Variants in MELK observed in about 807,000 individuals in gnomAD.
The protein encoded by MELK is pEg3 kinase.
MELK carries 81 observed loss-of-function variants against 85.0 expected under a neutral mutation model. The observed-to-expected ratio is 0.95, with a 90% CI of 0.80 to 1.15. The LOEUF (loss-of-function observed/expected upper bound fraction) is 1.15. Ranked by LOEUF, MELK falls within the 50% of genes most tolerant of loss-of-function variation. The probability of loss-of-function intolerance (pLI) is 0.00; values close to 1 mark genes in which losing one functional copy is unlikely to be tolerated. For missense variants in MELK, 754 were observed against 777.5 expected (o/e 0.97, Z 0.36); for synonymous variants, 252 against 265.0 (o/e 0.95, Z 0.48).
intron 14 of MELK, among the ~76,000 whole-genome samples, chr9:36,666,919 GT>G (rs1186103146): frequency 2.6e-5 from 4 of 151,120 alleles, no homozygotes; most frequent in African/African-American, 9.8e-5. Flanking sequence ...TGGTGTGTGT[GT>G]GGGGGGGTGC....
intron 3 of MELK, among the ~76,000 whole-genome samples, chr9:36,588,734 T>A (rs1271377749): frequency 6.6e-6 from 1 of 152,106 alleles, no homozygotes; most frequent in Non-Finnish European, 1.5e-5. Context: ...ATCTCTAGGC[T>A]TCTGTCCTTT....
At chr9:36,647,593 A>G (rs990507073) in intron 11 of MELK, among the ~76,000 whole-genome samples, 3 of 151,738 alleles carry the variant, frequency 2.0e-5, no homozygotes, top group Non-Finnish European at 4.4e-5. Flanking sequence ...AGTTCAAGCA[A>G]TTCTCCTGCC....
intron 16 of MELK, among the ~76,000 whole-genome samples, chr9:36,671,623 G>A (rs1308313181): frequency 1.3e-5 from 2 of 152,192 alleles, no homozygotes; most frequent in Non-Finnish European, 2.9e-5. Flanking sequence ...AAGGTAGGCC[G>A]GAAGGGCCTC....
At chr9:36,609,616 T>C (rs1825897547) in intron 8 of MELK, among the ~76,000 whole-genome samples, 1 of 152,106 alleles carries the variant, frequency 6.6e-6, no homozygotes, top group South Asian at 2.1e-4. Flanking sequence ...ATCCGGCTAA[T>C]TAAAAAAATT....
At position 36,630,332 on chromosome 9, in the gene MELK, C is replaced by G; in HGVS notation, c.700C>G (p.Pro234Ala). The change falls in exon 9 of 18, where the codon CCC becomes GCC. Residue 234 changes from proline (P) to alanine (A), a missense_variant. By Grantham distance (27) the Pro-to-Ala change is conservative. Coordinates refer to ENST00000298048, the MANE Select transcript of MELK (RefSeq NM_014791.4). ...GKYDVPKWLSPSSILLLQQML... is the reference protein window; with the variant it reads ...GKYDVPKWLSASSILLLQQML... ...ATATGATGTTCCCAAGTGGCTCTCTCCCAGTAGCATTCTGCTTCTTCAACA... is the reference window on the plus strand; with the variant it reads ...ATATGATGTTCCCAAGTGGCTCTCTGCCAGTAGCATTCTGCTTCTTCAACA... 1 of 1,612,034 alleles carries G rather than the reference C, an allele frequency of 6.2e-7. No homozygotes were observed. Among genetic ancestry groups the G allele is most frequent in the South Asian group, 1.1e-5 (1 of 90,984 alleles).
chr9:36,666,915 G>A (rs1162655999), intron 14 of MELK, among the ~76,000 whole-genome samples: 1 of 151,130 alleles, frequency 6.6e-6, no homozygotes, highest in Non-Finnish European at 1.5e-5. Context: ...GTGATGGTGT[G>A]TGTGTGGGGG....
rs12347337 is a variant in MELK, at chr9:36,622,425, G to A, written c.667-7874G>A. Among the ~76,000 whole-genome samples, 1,282 of 152,252 alleles carry A rather than the reference G, an allele frequency of 8.4e-3. 22 individuals are homozygous for A. The highest frequency in any genetic ancestry group is 0.029 in the African/African-American group (1,216 of 41,536). Reference sequence around the variant, plus strand: ...AAAACCCAGCAATATTTGACGCACCGTATGTAACTCTTGTTTAAAAGGCAG... The same window carrying A: ...AAAACCCAGCAATATTTGACGCACCATATGTAACTCTTGTTTAAAAGGCAG... On this transcript the variant is annotated intron_variant, in intron 8 of 17. Transcript: ENST00000298048.
chr9:36,593,279 G>A (rs182922568), intron 4 of MELK, among the ~76,000 whole-genome samples: 2 of 149,664 alleles, frequency 1.3e-5, no homozygotes, highest in Admixed American at 1.3e-4. Flanking sequence ...CCACAAATTC[G>A]TATGTTGAAA....
At chr9:36,642,324 TTAGATGCC>T (rs1829828373) in intron 10 of MELK, among the ~76,000 whole-genome samples, 1 of 152,134 alleles carries the variant, frequency 6.6e-6, no homozygotes, top group African/African-American at 2.4e-5. Flanking sequence ...GCCACTGATT[TTAGATGCC>T]TAGGTGGCTG....
At chr9:36,606,200 T>A (rs1356710286) in intron 7 of MELK, among the ~76,000 whole-genome samples, 3 of 151,262 alleles carry the variant, frequency 2.0e-5, no homozygotes, top group African/African-American at 7.3e-5. Context: ...TCTATGTATA[T>A]ATACATATAT....
chr9:36,602,297 C>T lies in MELK; in HGVS notation c.567+2811C>T, dbSNP rs139860879. 9.7e-3 allele frequency among the ~76,000 whole-genome samples: 1,469 copies of T among 151,806 alleles called. 19 individuals are homozygous for T. The highest frequency in any genetic ancestry group is 0.03 in the African/African-American group (1,245 of 41,386). On this transcript the variant is annotated intron_variant, in intron 7 of 17. Transcript: ENST00000298048. ...CATGAGGTTAGGAGTTTGAGACCAG[C>T]CTGGCCAACATGATGAATCCCTGTC...
chr9:36,642,967 G>A (rs1049215104), intron 10 of MELK, 30 bp from the exon 11 acceptor site: 1 of 1,516,968 alleles, frequency 6.6e-7, no homozygotes, highest in Non-Finnish European at 9.0e-7. Flanking sequence ...GTAATTTTTT[G>A]TTAATAAAGT....
chr9:36,578,114 C>T (rs184812491), intron 1 of MELK, among the ~76,000 whole-genome samples: 1 of 152,208 alleles, frequency 6.6e-6, no homozygotes, highest in Non-Finnish European at 1.5e-5. Flanking sequence ...TTTGCCACTC[C>T]TAGCTGTAGG....
At chr9:36,620,311 AG>A (rs1827269688) in intron 8 of MELK, among the ~76,000 whole-genome samples, 1 of 152,150 alleles carries the variant, frequency 6.6e-6, no homozygotes, top group South Asian at 2.1e-4. Context: ...TGATTTACTA[AG>A]GCTACAAGTT....
chr9:36,620,548 CTTTT>C (rs747925440), intron 8 of MELK, among the ~76,000 whole-genome samples: 4 of 128,494 alleles, frequency 3.1e-5, no homozygotes, highest in African/African-American at 9.3e-5. Context: ...CATTCTCTTC[CTTTT>C]TTTTTTTTTT....
chr9:36,607,805 T>A (rs1825703522), intron 8 of MELK, 132 bp downstream of exon 8: 4 of 692,420 alleles, frequency 5.8e-6, no homozygotes, highest in Non-Finnish European at 9.8e-6. Flanking sequence ...TCTTAGTTAT[T>A]CTTTGGGAGT....
chr9:36,590,502 C>T (rs1159934360), intron 4 of MELK, among the ~76,000 whole-genome samples: 1 of 152,136 alleles, frequency 6.6e-6, no homozygotes, highest in Non-Finnish European at 1.5e-5. Flanking sequence ...GTGTTTTCCT[C>T]TCTGTGTAGC....
chr9:36,620,880 A>G (rs1827335049), intron 8 of MELK, among the ~76,000 whole-genome samples: 1 of 151,930 alleles, frequency 6.6e-6, no homozygotes, highest in Admixed American at 6.6e-5. Flanking sequence ...TTGAATCTTG[A>G]TTCTGCACTC....
chr9:36,677,400 T>C lies in MELK; in HGVS notation c.*63T>C. On this transcript the variant is annotated 3_prime_UTR_variant, in exon 18 of 18. Coordinates refer to ENST00000298048, the MANE Select transcript of MELK (RefSeq NM_014791.4). ...GTGATACAGCCTACATAAAGACTGT[T>C]ATGATCGCTTTGATTTTAAAGTTCA... The C allele has an allele frequency of 7.1e-7, 1 of 1,406,148 alleles. No homozygotes were observed. Among genetic ancestry groups the C allele is most frequent in the Non-Finnish European group, 9.5e-7 (1 of 1,056,814 alleles). 87.1% of individuals were successfully genotyped at this position (1,406,148 alleles called of 1,614,324 possible). A position where few individuals can be genotyped will look rare whatever the true frequency, so the allele number is the denominator to read the frequency against.
Sources: allele counts gnomAD v4.1 joint callset (sites outside exome capture counted in the v4.1 genomes callset), GRCh38; gene constraint gnomAD v4.1.1; transcripts MANE v1.5; gene names NCBI Gene and HGNC (gene_info 2026-07-23, HGNC 2026-07-21).